GALNT2: variants seen among roughly 807,000 people sequenced by gnomAD.
GALNT2 encodes the protein polypeptide N-acetylgalactosaminyltransferase 2.
GALNT2 carries 31 observed loss-of-function variants against 81.4 expected under a neutral mutation model. That is an observed-to-expected ratio of 0.38 (90% CI 0.29 to 0.51). The LOEUF (loss-of-function observed/expected upper bound fraction) is 0.51. GALNT2 is among the 20% of genes least tolerant of loss of function. The pLI is 0.87. For missense variants in GALNT2, 629 were observed against 765.7 expected (o/e 0.82, Z 2.11); for synonymous variants, 303 against 287.4 (o/e 1.05, Z -0.55).
intron 2 of GALNT2, among the ~76,000 whole-genome samples, chr1:230,192,885 T>G (rs915554542): frequency 6.6e-6 from 1 of 152,232 alleles, no homozygotes; most frequent in Non-Finnish European, 1.5e-5. Flanking sequence ...ATACCACATA[T>G]CCAGTGACAA....
At position 230,236,724 on chromosome 1, in the gene GALNT2, A is replaced by C. The variant is rs1438859528; in HGVS notation, c.606A>C (p.Glu202Asp). Residue 202 changes from glutamate (E) to aspartate (D), a missense_variant and splice_region_variant, in exon 6 of 16, where the codon GAA becomes GAC. Transcript: ENST00000366672. The part of the protein sequence containing the change: ...KVRVLRNDRR[E>D]GLMRSRVRGA... ...GAGTTCTTAGAAATGATCGACGAGA[A>C]GGTAAGATTCTTCTTAATTCAGCGC... The C allele has an allele frequency of 6.2e-7, 1 of 1,613,154 alleles. No individual in the cohort carries two copies. Among genetic ancestry groups the C allele is most frequent in the African/African-American group, 1.3e-5 (1 of 74,842 alleles).
intron 1 of GALNT2, among the ~76,000 whole-genome samples, chr1:230,114,814 A>G (rs184956674): frequency 1.7e-4 from 26 of 152,218 alleles, no homozygotes; most frequent in Middle Eastern, 3.4e-3. Context: ...TCTGTTTTCA[A>G]TAGGCTTTAT....
At position 230,274,494 on chromosome 1, in the gene GALNT2, T is replaced by A; in HGVS notation, c.1490T>A (p.Leu497His). 6.2e-7 allele frequency: 1 copy of A among 1,613,996 alleles called. No individual in the cohort carries two copies. Among genetic ancestry groups the A allele is most frequent in the Non-Finnish European group, 8.5e-7 (1 of 1,179,908 alleles). Residue 497 changes from leucine to histidine, a missense_variant, in exon 15 of 16, where the codon CTT (leucine) becomes CAT (histidine). Around this residue, in one of 3 missense-constraint regions of GALNT2, gnomAD observed 207 missense variants for 225.5 expected, o/e 0.92. Coordinates refer to ENST00000366672, the MANE Select transcript of GALNT2 (RefSeq NM_004481.5). ...EKSVKHMDLC[L>H]TVVDRAPGSL... is the part of the protein sequence containing the mutation. ...TCGGTGAAGCACATGGATTTGTGCCTTACTGTGGTGGACCGGGCACCGGGC... is the reference window on the plus strand; with the variant it reads ...TCGGTGAAGCACATGGATTTGTGCCATACTGTGGTGGACCGGGCACCGGGC...
chr1:230,159,372 G>C (rs1662361895), intron 1 of GALNT2, among the ~76,000 whole-genome samples: 1 of 152,212 alleles, frequency 6.6e-6, no homozygotes, highest in Non-Finnish European at 1.5e-5. Context: ...AGAAGGATCA[G>C]AAGAAAGAGA....
chr1:230,200,672 T>C (rs1374632778), intron 2 of GALNT2, among the ~76,000 whole-genome samples: 1 of 152,194 alleles, frequency 6.6e-6, no homozygotes, highest in East Asian at 1.9e-4. Context: ...CCTTATCCCA[T>C]GGCCACTGCT....
chr1:230,262,845 G>C lies in GALNT2; in HGVS notation c.1230-77G>C. ...ACCTGCCCCAACCCTGTTCTCCTCA[G>C]CAGATTTTCAAGTTTGATGTAGAAA... is the stretch of plus-strand genomic sequence containing the variant. On this transcript the variant is annotated intron_variant, in intron 12 of 15. Coordinates refer to ENST00000366672, the MANE Select transcript of GALNT2 (RefSeq NM_004481.5). 9 of 1,462,256 alleles carry C rather than the reference G, an allele frequency of 6.2e-6. No homozygotes were observed. In the South Asian group the frequency reaches 1.0e-4, roughly 17 times the overall value. 90.6% of individuals were successfully genotyped at this position (1,462,256 alleles called of 1,614,324 possible).
At chr1:230,237,986 C>G (rs1485006646) in intron 6 of GALNT2, among the ~76,000 whole-genome samples, 1 of 152,166 alleles carries the variant, frequency 6.6e-6, no homozygotes, top group African/African-American at 2.4e-5. Flanking sequence ...TAACTTTCCG[C>G]TAGAATGTTC....
intron 1 of GALNT2, among the ~76,000 whole-genome samples, chr1:230,150,428 A>C (rs192352818): frequency 6.6e-6 from 1 of 152,368 alleles, no homozygotes; most frequent in East Asian, 1.9e-4. Context: ...AACGGTTTCC[A>C]ACAGCTGCTT....
At position 230,275,246 on chromosome 1, in the gene GALNT2, A is replaced by T. The variant is rs1666263994; in HGVS notation, c.1560+682A>T. Among the ~76,000 whole-genome samples the T allele has an allele frequency of 6.6e-6, 1 of 151,612 alleles. No individual in the cohort carries two copies. Among genetic ancestry groups the T allele is most frequent in the Non-Finnish European group, 1.5e-5 (1 of 67,828 alleles). On this transcript the variant is annotated intron_variant, in intron 15 of 15. Transcript: ENST00000366672. The surrounding 1 kb of genome is among the most constrained non-coding windows in gnomAD (Gnocchi z 5.5). ...ACATATATGCATATGTAAACACCGC[A>T]TATATACATATATACACACCACATG...
chr1:230,091,121 TAC>T (rs1239990521), intron 1 of GALNT2, among the ~76,000 whole-genome samples: 1 of 151,802 alleles, frequency 6.6e-6, no homozygotes, highest in Admixed American at 6.6e-5. Context: ...CAGGCTGGAG[TAC>T]AGTGGCACGA....
intron 2 of GALNT2, among the ~76,000 whole-genome samples, chr1:230,189,200 A>G (rs1450667812): frequency 6.6e-6 from 1 of 152,152 alleles, no homozygotes; most frequent in East Asian, 1.9e-4. Flanking sequence ...ACCTTGTGTA[A>G]AGGGCTGAGG....
chr1:230,159,902 T>A (rs1404240838), intron 1 of GALNT2, among the ~76,000 whole-genome samples: 6 of 152,202 alleles, frequency 3.9e-5, no homozygotes, highest in Non-Finnish European at 8.8e-5. Context: ...GCTTTGTTCC[T>A]ACTCTGGAGG....
intron 7 of GALNT2, among the ~76,000 whole-genome samples, chr1:230,245,286 A>T (rs1228652747): frequency 1.3e-5 from 2 of 152,158 alleles, no homozygotes; most frequent in Non-Finnish European, 2.9e-5. Flanking sequence ...CAACATGGAG[A>T]AATCCCATCT....
At chr1:230,101,682 TG>T (rs1660407664) in intron 1 of GALNT2, among the ~76,000 whole-genome samples, 1 of 152,056 alleles carries the variant, frequency 6.6e-6, no homozygotes, top group Non-Finnish European at 1.5e-5. Context: ...GGAGGAAAAA[TG>T]TATCTTAAGT....
At chr1:230,236,569 C>G in intron 5 of GALNT2, 91 bp from the exon 6 acceptor site, 3 of 1,432,868 alleles carry the variant, frequency 2.1e-6, no homozygotes, top group Non-Finnish European at 2.9e-6. Flanking sequence ...AGGAGATAAT[C>G]GGCCCTTAGA....
intron 2 of GALNT2, among the ~76,000 whole-genome samples, chr1:230,188,719 G>T (rs1425427946): frequency 6.6e-6 from 1 of 151,836 alleles, no homozygotes; most frequent in Non-Finnish European, 1.5e-5. Context: ...TGTGACCCTT[G>T]CTTCTATTTC....
At chr1:230,147,370 C>T (rs573008571) in intron 1 of GALNT2, among the ~76,000 whole-genome samples, 2 of 152,304 alleles carry the variant, frequency 1.3e-5, no homozygotes, top group East Asian at 1.9e-4. Flanking sequence ...AGCTGAAAGC[C>T]GCCTACTTTG....
chr1:230,269,266 A>T (rs996498586), intron 14 of GALNT2, among the ~76,000 whole-genome samples: 2 of 133,370 alleles, frequency 1.5e-5, no homozygotes, highest in East Asian at 4.7e-4. Flanking sequence ...GCTCACTGCC[A>T]CCTCCGCCTC....
Position 230,153,401 on chromosome 1 carries a change from G to A in GALNT2, c.127-24817G>A, listed in dbSNP as rs73109899. ...ACACACTTAAACAGTCATTGATGGGGGGTCAGCCTTCAACATTTTAAGGGT... is the reference window on the plus strand; with the variant it reads ...ACACACTTAAACAGTCATTGATGGGAGGTCAGCCTTCAACATTTTAAGGGT... On this transcript the variant is annotated intron_variant, in intron 1 of 15. Transcript: ENST00000366672. Among the ~76,000 whole-genome samples, 1,379 of 152,244 alleles carry A rather than the reference G, an allele frequency of 9.1e-3. 23 individuals carry two copies. The highest frequency in any genetic ancestry group is 0.031 in the African/African-American group (1,297 of 41,538).
Sources: gnomAD v4.1 joint callset for allele counts (sites outside exome capture counted in the v4.1 genomes callset) on GRCh38, gnomAD v4.1.1 for gene constraint, gnomAD v4.1.1 regional missense constraint, Gnocchi (gnomAD v3.1) non-coding constraint, MANE v1.5 for transcripts, NCBI Gene and HGNC (gene_info 2026-07-23, HGNC 2026-07-21) for gene names.